Variants in DCDC2 observed in about 807,000 individuals in gnomAD.
DCDC2 encodes the protein doublecortin domain-containing protein 2.
DCDC2 carries 40 observed loss-of-function variants against 50.2 expected under a neutral mutation model. The ratio of observed to expected loss-of-function variants is 0.80; its 90% CI spans 0.62 to 1.04. The LOEUF is 1.04. Among genes scored for constraint, DCDC2 ranks in the 50% least tolerant of loss-of-function variants. The probability of loss-of-function intolerance (pLI) is 0.00; values close to 1 mark genes in which losing one functional copy is unlikely to be tolerated. For missense variants in DCDC2, 570 were observed against 581.9 expected (o/e 0.98, Z 0.21); for synonymous variants, 234 against 210.6 (o/e 1.11, Z -0.96).
intron 2 of DCDC2, among the ~76,000 whole-genome samples, chr6:24,326,657 G>A (rs1759873931): frequency 6.7e-6 from 1 of 148,670 alleles, no homozygotes; most frequent in African/African-American, 2.4e-5. Flanking sequence ...AAGAGTTCAA[G>A]ACCAGCCTGG....
intron 7 of DCDC2, among the ~76,000 whole-genome samples, chr6:24,273,304 G>A (rs1054503381): frequency 2.0e-5 from 3 of 152,114 alleles, no homozygotes; most frequent in African/African-American, 7.2e-5. Context: ...GCAGGAAGAG[G>A]TATGAGAAAT....
chr6:24,292,537 C>T (rs773811794), intron 4 of DCDC2, among the ~76,000 whole-genome samples: 4 of 152,200 alleles, frequency 2.6e-5, no homozygotes, highest in Non-Finnish European at 5.9e-5. Flanking sequence ...CCTAACAAGT[C>T]TAAATATCAA....
Position 24,215,382 on chromosome 6 carries a change from GA to G in DCDC2, c.923-10281del, listed in dbSNP as rs569046694. On this transcript the variant is annotated intron_variant, in intron 7 of 9. Transcript: ENST00000378454. ...TGAACTTGATCATGAAGATAATGAA[GA>G]GCAACTAAGGGACTTTAAGCATGGA... Among the ~76,000 whole-genome samples the G allele has an allele frequency of 2.0e-3, 301 of 152,260 alleles. 1 individual carries two copies. Among genetic ancestry groups the G allele is most frequent in the Admixed American group, 0.012 (177 of 15,290 alleles).
intron 2 of DCDC2, among the ~76,000 whole-genome samples, chr6:24,323,865 T>C (rs1759813416): frequency 6.6e-6 from 1 of 152,212 alleles, no homozygotes; most frequent in Non-Finnish European, 1.5e-5. Flanking sequence ...GTGAAGCAAG[T>C]TGAAAAGAAC....
chr6:24,175,607 C>T (rs180752460), intron 9 of DCDC2, among the ~76,000 whole-genome samples: 91 of 152,310 alleles, frequency 6.0e-4, no homozygotes, highest in Admixed American at 5.7e-3. Flanking sequence ...TCTTATTTCA[C>T]ACTGTTCCTT....
intron 7 of DCDC2, among the ~76,000 whole-genome samples, chr6:24,245,753 A>G (rs946045535): frequency 2.0e-5 from 3 of 152,222 alleles, no homozygotes; most frequent in African/African-American, 7.2e-5. Flanking sequence ...AGATTACTAA[A>G]AAGTGCATCA....
upstream of DCDC2, among the ~76,000 whole-genome samples, chr6:24,360,449 C>G (rs1760648020): frequency 6.6e-6 from 1 of 152,188 alleles, no homozygotes; most frequent in Non-Finnish European, 1.5e-5. Context: ...AGGATTTTTT[C>G]ACTGCCGCAA....
upstream of DCDC2, among the ~76,000 whole-genome samples, chr6:24,358,965 TTA>T (rs1760566363): frequency 1.4e-5 from 1 of 69,836 alleles, no homozygotes; most frequent in Non-Finnish European, 2.4e-5. Context: ...ATATTATATA[TTA>T]TATATTTTAT....
chr6:24,251,539 C>T (rs1020232510), intron 7 of DCDC2, among the ~76,000 whole-genome samples: 1 of 152,162 alleles, frequency 6.6e-6, no homozygotes, highest in African/African-American at 2.4e-5. Flanking sequence ...CTTGACACCT[C>T]CTGACACCTG....
chr6:24,182,411 T>G (rs1314261887), intron 8 of DCDC2, among the ~76,000 whole-genome samples: 1 of 152,102 alleles, frequency 6.6e-6, no homozygotes, highest in Non-Finnish European at 1.5e-5. Flanking sequence ...ATCATTTATC[T>G]GATAAAGGCT....
intron 2 of DCDC2, among the ~76,000 whole-genome samples, chr6:24,332,856 T>A (rs1204131149): frequency 1.3e-5 from 2 of 152,140 alleles, no homozygotes; most frequent in Non-Finnish European, 2.9e-5. Context: ...TGGGCTGGTA[T>A]AAAAATGAGT....
intron 4 of DCDC2, among the ~76,000 whole-genome samples, chr6:24,299,887 C>A (rs1759334816): frequency 6.6e-6 from 1 of 151,470 alleles, no homozygotes; most frequent in Admixed American, 6.6e-5. Context: ...CCATTGCACT[C>A]CAGTCTGGGC....
chr6:24,235,681 A>AT (rs1409722437), intron 7 of DCDC2, among the ~76,000 whole-genome samples: 1 of 152,202 alleles, frequency 6.6e-6, no homozygotes, highest in Non-Finnish European at 1.5e-5. Context: ...TGACAAACCC[A>AT]CAAGCCAACA....
At chr6:24,373,308 C>A in the DCDC2 span, among the ~76,000 whole-genome samples, 9 of 152,306 alleles carry the variant, frequency 5.9e-5, 1 homozygote, top group African/African-American at 2.2e-4. Flanking sequence ...TAGAAGCATT[C>A]ACATAAATGG....
the DCDC2 span, among the ~76,000 whole-genome samples, chr6:24,364,597 G>A: frequency 2.2e-4 from 34 of 152,206 alleles, no homozygotes; most frequent in Admixed American, 2.1e-3. Flanking sequence ...ACCTAGCACA[G>A]AGGCTGGAAC....
intron 2 of DCDC2, among the ~76,000 whole-genome samples, chr6:24,320,818 T>C (rs1359672027): frequency 1.3e-5 from 2 of 152,110 alleles, no homozygotes; most frequent in Non-Finnish European, 2.9e-5. Context: ...AATGCCCAGA[T>C]GCTGGTTTCT....
At chr6:24,325,515 C>T (rs1431721868) in intron 2 of DCDC2, among the ~76,000 whole-genome samples, 1 of 149,358 alleles carries the variant, frequency 6.7e-6, no homozygotes, top group Non-Finnish European at 1.5e-5. Flanking sequence ...ACCTGATGGC[C>T]CCATTTCTGT....
chr6:24,289,036 A>C, intron 5 of DCDC2, 130 bp from the exon 6 acceptor site: 1 of 592,270 alleles, frequency 1.7e-6, no homozygotes, highest in Non-Finnish European at 2.9e-6. Flanking sequence ...GATAACATAC[A>C]CTTTAACACA....
intron 2 of DCDC2, among the ~76,000 whole-genome samples, chr6:24,339,551 T>A (rs1760117569): frequency 6.6e-6 from 1 of 152,158 alleles, no homozygotes; most frequent in African/African-American, 2.4e-5. Flanking sequence ...GTCCAAACCC[T>A]CCCACATGAA....
Sources: allele counts gnomAD v4.1 joint callset (sites outside exome capture counted in the v4.1 genomes callset), GRCh38; gene constraint gnomAD v4.1.1; transcripts MANE v1.5; gene names NCBI Gene and HGNC (gene_info 2026-07-23, HGNC 2026-07-21).